Variants in RAD54L2 observed in about 807,000 individuals in gnomAD.
RAD54L2 encodes helicase ARIP4.
A neutral mutation model predicts 138.4 loss-of-function variants in RAD54L2; 27 were observed. That is an observed-to-expected ratio of 0.20 (90% confidence interval 0.14 to 0.27). RAD54L2 has a LOEUF of 0.27. Among genes scored for constraint, RAD54L2 ranks in the 10% least tolerant of loss-of-function variants. RAD54L2 has a pLI of 1.00. For missense variants in RAD54L2, 1,396 were observed against 1,890.2 expected, an observed-to-expected ratio of 0.74 and a Z score of 4.85; for synonymous variants, 644 against 723.2, an observed-to-expected ratio of 0.89 and a Z score of 1.76.
chr3:51,575,708 A>G (rs1699464928), intron 2 of RAD54L2, among the ~76,000 whole-genome samples: 1 of 152,206 alleles, frequency 6.6e-6, no homozygotes, highest in African/African-American at 2.4e-5. Flanking sequence ...GTACCCTGAG[A>G]CTTTGCTGAA....
intron 2 of RAD54L2, among the ~76,000 whole-genome samples, chr3:51,589,352 G>C (rs549960959): frequency 3.5e-4 from 53 of 152,110 alleles, no homozygotes; most frequent in Non-Finnish European, 6.5e-4. Context: ...AGCTATGATT[G>C]TGCCTCTGCA....
At chr3:51,635,178 T>A (rs1700955713) in intron 9 of RAD54L2, among the ~76,000 whole-genome samples, 1 of 152,208 alleles carries the variant, frequency 6.6e-6, no homozygotes, top group Admixed American at 6.5e-5. Context: ...GGCTCTTTAT[T>A]CACTTGAGTC....
intron 2 of RAD54L2, among the ~76,000 whole-genome samples, chr3:51,576,286 A>G (rs1361999030): frequency 6.6e-6 from 1 of 152,182 alleles, no homozygotes; most frequent in African/African-American, 2.4e-5. Flanking sequence ...GATGTTCATC[A>G]GGGATATTGG....
intron 19 of RAD54L2, 127 bp downstream of exon 19, chr3:51,646,608 T>C: frequency 9.7e-7 from 1 of 1,026,428 alleles, no homozygotes; most frequent in Non-Finnish European, 1.4e-6. Context: ...CAGGCTCTGC[T>C]CTAGGGTAGG....
At chr3:51,650,717 A>G (rs977287455) in intron 19 of RAD54L2, among the ~76,000 whole-genome samples, 2 of 152,234 alleles carry the variant, frequency 1.3e-5, no homozygotes, top group African/African-American at 4.8e-5. Context: ...AGGCAGAAAT[A>G]AAGATGTTCT....
In RAD54L2 at chr3:51,663,555, C is replaced by A; in HGVS notation, c.*135C>A. ...GAAGAGGACAAAGGAGGGTGGTTGG[C>A]CAAAGTGGCAGAGCTCTGTTGCTGT... On this transcript the variant is annotated 3_prime_UTR_variant, in exon 23 of 23. Transcript: ENST00000684192. 1.5e-6 allele frequency: 1 copy of A among 688,786 alleles called. No homozygotes were observed. The highest frequency in any genetic ancestry group is 2.1e-6 in the Non-Finnish European group (1 of 475,854). 42.7% of individuals were successfully genotyped at this position (688,786 alleles called of 1,614,324 possible).
chr3:51,577,603 CCTT>C (rs2106680098), intron 2 of RAD54L2, among the ~76,000 whole-genome samples: 1 of 152,264 alleles, frequency 6.6e-6, no homozygotes, highest in African/African-American at 2.4e-5. Context: ...TATGTAATGG[CCTT>C]CTTTGTCTCT....
At chr3:51,641,606 C>T (rs1027251477) in intron 14 of RAD54L2, 143 bp from the exon 15 acceptor site, 8 of 572,994 alleles carry the variant, frequency 1.4e-5, no homozygotes, top group Admixed American at 9.0e-5. Context: ...CTTGAGCCAC[C>T]GTGCCCAACC....
At chr3:51,642,746 T>A (rs1453881930) in intron 15 of RAD54L2, among the ~76,000 whole-genome samples, 1 of 151,994 alleles carries the variant, frequency 6.6e-6, no homozygotes, top group Admixed American at 6.6e-5. Context: ...ATAGAAGGAT[T>A]TAGAGAACTG....
intron 2 of RAD54L2, among the ~76,000 whole-genome samples, chr3:51,547,270 G>A (rs982967389): frequency 2.6e-5 from 4 of 152,016 alleles, no homozygotes; most frequent in African/African-American, 9.7e-5. Flanking sequence ...CTCCCAGTTA[G>A]GAGATCGAGG....
chr3:51,637,561 C>CA lies in RAD54L2; in HGVS notation c.1682+59dup. The CA allele has an allele frequency of 6.7e-7, 1 of 1,498,446 alleles. No homozygotes were observed. The highest frequency in any genetic ancestry group is 9.0e-7 in the Non-Finnish European group (1 of 1,105,572). The allele number at this position is 1,498,446 out of a possible 1,614,324, so 92.8% of individuals were successfully genotyped here. A position where few individuals can be genotyped will look rare whatever the true frequency, so the allele number is the denominator to read the frequency against. On this transcript the variant is annotated intron_variant, in intron 11 of 22. Transcript: ENST00000684192. The surrounding 1 kb of genome is among the most constrained non-coding windows in gnomAD (Gnocchi z 5.9). ...TTTCAGAGGGCCCTGTTGCCAAGGG[C>CA]ATGCCAAACCTGTTATACAGGATAG...
At chr3:51,633,202 A>G (rs1219235630) in intron 7 of RAD54L2, among the ~76,000 whole-genome samples, 3 of 152,200 alleles carry the variant, frequency 2.0e-5, no homozygotes, top group Non-Finnish European at 4.4e-5. Context: ...CCTGGGTGAC[A>G]GAGCCAGACT....
In RAD54L2 at chr3:51,663,149, T is replaced by A. The variant is rs1278167430; in HGVS notation, c.4133T>A (p.Ile1378Lys). 14 of 1,613,940 alleles carry A rather than the reference T, an allele frequency of 8.7e-6. No homozygotes were observed. Among genetic ancestry groups the A allele is most frequent in the Non-Finnish European group, 1.2e-5 (14 of 1,179,882 alleles). The change falls in exon 23 of 23, where the codon ATA becomes AAA. Residue 1378 changes from isoleucine to lysine, a missense_variant. Transcript: ENST00000684192. ...ATGCTCAACCCTTCTGTGCCAGGGA[T>A]ACTACCCAGCTATTCACTCCCATTC... is the stretch of plus-strand genomic sequence containing the variant. ...SFMLNPSVPG[I>K]LPSYSLPFSQ...
intron 3 of RAD54L2, among the ~76,000 whole-genome samples, chr3:51,612,480 ACAAAC>A (rs966202926): frequency 1.3e-5 from 2 of 152,022 alleles, no homozygotes; most frequent in African/African-American, 4.8e-5. Context: ...ACAAAACAAA[ACAAAC>A]AAACAAAAAA....
chr3:51,567,432 ACT>A (rs1489308178), intron 2 of RAD54L2, among the ~76,000 whole-genome samples: 1 of 151,918 alleles, frequency 6.6e-6, no homozygotes. Flanking sequence ...TCCTCTCAGT[ACT>A]TTTTTTTGTT....
intron 2 of RAD54L2, among the ~76,000 whole-genome samples, chr3:51,584,292 A>C (rs1305377544): frequency 6.6e-6 from 1 of 152,124 alleles, no homozygotes; most frequent in African/African-American, 2.4e-5. Flanking sequence ...CGAGTCTTGA[A>C]TGCATTTGTT....
intron 19 of RAD54L2, among the ~76,000 whole-genome samples, chr3:51,652,797 T>C (rs140067854): frequency 6.6e-6 from 1 of 152,188 alleles, no homozygotes; most frequent in Admixed American, 6.5e-5. Context: ...ATTAAAGACT[T>C]AAATGTTAGA....
intron 2 of RAD54L2, among the ~76,000 whole-genome samples, chr3:51,576,605 T>C (rs1699486967): frequency 6.6e-6 from 1 of 152,162 alleles, no homozygotes; most frequent in Non-Finnish European, 1.5e-5. Context: ...AATTTATCCA[T>C]TTTTTCTAGA....
At chr3:51,608,829 TGGCATCAGAG>T (rs1488988007) in intron 3 of RAD54L2, among the ~76,000 whole-genome samples, 1 of 151,882 alleles carries the variant, frequency 6.6e-6, no homozygotes, top group African/African-American at 2.4e-5. Context: ...AGCCTTGGCT[TGGCATCAGAG>T]GGAGACCGTG....
Sources: allele counts gnomAD v4.1 joint callset (sites outside exome capture counted in the v4.1 genomes callset), GRCh38; gene constraint gnomAD v4.1.1; non-coding constraint Gnocchi (gnomAD v3.1); transcripts MANE v1.5; gene names NCBI Gene and HGNC (gene_info 2026-07-23, HGNC 2026-07-21).